SCNN1B: variants seen among roughly 807,000 people sequenced by gnomAD.
The protein encoded by SCNN1B is sodium channel epithelial 1 subunit beta.
SCNN1B carries 46 observed loss-of-function variants against 65.3 expected under a neutral mutation model. That is an observed-to-expected ratio of 0.70 (90% CI 0.56 to 0.90). SCNN1B has a LOEUF of 0.90. Among genes scored for constraint, SCNN1B ranks in the 40% least tolerant of loss-of-function variants. The pLI is 0.00. For synonymous variants in SCNN1B, 349 were observed against 330.6 expected (o/e 1.06, Z -0.60); for missense variants, 751 against 830.5 (o/e 0.90, Z 1.18).
In SCNN1B at chr16:23,320,078, C is replaced by T. The variant is rs143597303; in HGVS notation, c.-9+17641C>T. ...CAAATGTTAACATGCGCATGAGTCA[C>T]TAGGGGTCTTGTTAAAATGCAGATT... On this transcript the variant is annotated intron_variant, in intron 1 of 12. Transcript: ENST00000343070. Among the ~76,000 whole-genome samples, 268 of 152,282 alleles carry T rather than the reference C, an allele frequency of 1.8e-3. 3 individuals carry two copies. The highest frequency in any genetic ancestry group is 6.1e-3 in the African/African-American group (255 of 41,542).
intron 3 of SCNN1B, among the ~76,000 whole-genome samples, chr16:23,354,651 C>G (rs1038402190): frequency 3.9e-5 from 6 of 152,198 alleles, no homozygotes; most frequent in African/African-American, 1.4e-4. Flanking sequence ...TTCATGGCCT[C>G]CAGGGGAGCT....
chr16:23,348,205 G>A lies in SCNN1B; in HGVS notation c.-8-387G>A, dbSNP rs976356646. 7.9e-5 allele frequency among the ~76,000 whole-genome samples: 12 copies of A among 152,046 alleles called. No homozygotes were observed. The highest frequency in any genetic ancestry group is 2.7e-4 in the African/African-American group (11 of 41,378). ...GTTACAATGAAACATTGAACAAAAC[G>A]ACGTCGTTTGAGGACTTGCTATACC... On this transcript the variant is annotated intron_variant, in intron 1 of 12. Transcript: ENST00000343070. This position sits in a 1 kb window ranked among gnomAD's most constrained non-coding sequence, Gnocchi z 4.5.
intron 1 of SCNN1B, among the ~76,000 whole-genome samples, chr16:23,335,849 T>C (rs922971771): frequency 2.6e-5 from 4 of 152,208 alleles, no homozygotes; most frequent in Non-Finnish European, 5.9e-5. Flanking sequence ...TCACTGTCTC[T>C]GATCAGCTCA....
intron 2 of SCNN1B, among the ~76,000 whole-genome samples, chr16:23,288,276 A>G (rs1162724206): frequency 6.6e-6 from 1 of 152,164 alleles, no homozygotes; most frequent in African/African-American, 2.4e-5. Flanking sequence ...CTCAGATTCC[A>G]TTTGTATAGG....
intron 2 of SCNN1B, among the ~76,000 whole-genome samples, chr16:23,291,770 G>T (rs997292061): frequency 2.7e-5 from 4 of 148,564 alleles, no homozygotes; most frequent in Admixed American, 1.4e-4. Flanking sequence ...TAGTAGAGAC[G>T]GGGTTTCACC....
Position 23,346,200 on chromosome 16 carries a change from C to CTTTTTTTTTTTTTTTTTTTT in SCNN1B, c.-8-2382_-8-2363dup, listed in dbSNP as rs753802362. On this transcript the variant is annotated intron_variant, in intron 1 of 12. Transcript: ENST00000343070. ...CCATGGAACACCCTTTTTTCCTTTT[C>CTTTTTTTTTTTTTTTTTTTT]TTTTTTTTTTTTTTTTTTTTTTTTT... Among the ~76,000 whole-genome samples the CTTTTTTTTTTTTTTTTTTTT allele has an allele frequency of 3.1e-4, 24 of 78,008 alleles. 5 individuals are homozygous for CTTTTTTTTTTTTTTTTTTTT. The highest frequency in any genetic ancestry group is 7.0e-4 in the East Asian group (2 of 2,868). 51.2% of individuals were successfully genotyped at this position (78,008 alleles called of 152,430 possible). A position where few individuals can be genotyped will look rare whatever the true frequency, so the allele number is the denominator to read the frequency against.
chr16:23,345,844 T>C (rs972455193), intron 1 of SCNN1B, among the ~76,000 whole-genome samples: 1 of 151,792 alleles, frequency 6.6e-6, no homozygotes, highest in African/African-American at 2.4e-5. Context: ...TCAGAGGGGG[T>C]GAGGGTCCAG....
intron 8 of SCNN1B, among the ~76,000 whole-genome samples, chr16:23,376,262 C>T (rs1447728987): frequency 2.0e-5 from 3 of 152,198 alleles, no homozygotes; most frequent in Non-Finnish European, 2.9e-5. Flanking sequence ...CTGTTCGTGA[C>T]TGCAGTGGGT....
chr16:23,377,483 CT>C (rs1195917914), intron 10 of SCNN1B, 97 bp downstream of exon 10: 36 of 1,054,544 alleles, frequency 3.4e-5, no homozygotes, highest in Middle Eastern at 2.6e-4. Context: ...AAGGGGGTGC[CT>C]TTTTCCCTCC....
At chr16:23,374,391 T>G (rs980616804) in intron 7 of SCNN1B, among the ~76,000 whole-genome samples, 22 of 148,704 alleles carry the variant, frequency 1.5e-4, no homozygotes, top group African/African-American at 5.4e-4. Context: ...CTGGCCAACA[T>G]AGTGAAACCT....
chr16:23,341,548 C>T (rs1437367431), intron 1 of SCNN1B, among the ~76,000 whole-genome samples: 1 of 152,104 alleles, frequency 6.6e-6, no homozygotes, highest in Non-Finnish European at 1.5e-5. Flanking sequence ...ACAATGTTTG[C>T]AAGTCCTGTC....
intron 2 of SCNN1B, among the ~76,000 whole-genome samples, chr16:23,291,980 C>T (rs866218886): frequency 6.6e-6 from 1 of 151,706 alleles, no homozygotes; most frequent in East Asian, 1.9e-4. Flanking sequence ...ATATTGTAGC[C>T]GTTGTTCTGC....
chr16:23,366,135 G>A (rs995109260), intron 4 of SCNN1B, among the ~76,000 whole-genome samples: 5 of 152,194 alleles, frequency 3.3e-5, no homozygotes, highest in South Asian at 2.1e-4. Flanking sequence ...GGCAGGTGAC[G>A]TTTTATGTGT....
In SCNN1B at chr16:23,354,369, G is replaced by A. The variant is rs942154988; in HGVS notation, c.586-930G>A. On this transcript the variant is annotated intron_variant, in intron 3 of 12. Coordinates refer to ENST00000343070, the MANE Select transcript of SCNN1B (RefSeq NM_000336.3). ...GGAGTGGGCTGGCCGGGCGTGTTGG[G>A]AAGGGTGGTGTAAGAATGCCAGGGG... Among the ~76,000 whole-genome samples the A allele has an allele frequency of 4.6e-5, 7 of 152,258 alleles. No homozygotes were observed. In the East Asian group the frequency reaches 1.2e-3, roughly 25 times the overall value.
At chr16:23,301,425 G>A (rs9926263), upstream of SCNN1B, among the ~76,000 whole-genome samples, 12 of 149,242 alleles carry the variant, frequency 8.0e-5, no homozygotes, top group African/African-American at 2.0e-4. Flanking sequence ...GAGAGAGAGA[G>A]AGAGAAAGAA....
intron 2 of SCNN1B, among the ~76,000 whole-genome samples, chr16:23,295,557 G>A (rs1245667857): frequency 6.6e-6 from 1 of 151,164 alleles, no homozygotes; most frequent in African/African-American, 2.4e-5. Flanking sequence ...TCACTTTGTT[G>A]CCCAGACTGG....
At chr16:23,344,782 C>T (rs1962149744) in intron 1 of SCNN1B, among the ~76,000 whole-genome samples, 1 of 152,060 alleles carries the variant, frequency 6.6e-6, no homozygotes, top group Admixed American at 6.6e-5. Flanking sequence ...TCGCTTGATC[C>T]CAGGAGTTCG....
At chr16:23,342,602 GGAA>G (rs979199470) in intron 1 of SCNN1B, among the ~76,000 whole-genome samples, 3 of 152,062 alleles carry the variant, frequency 2.0e-5, no homozygotes, top group Non-Finnish European at 4.4e-5. Context: ...GGACCACATT[GGAA>G]GAAGAATTAT....
At chr16:23,370,377 A>T (rs1962757833) in intron 5 of SCNN1B, among the ~76,000 whole-genome samples, 1 of 152,140 alleles carries the variant, frequency 6.6e-6, no homozygotes, top group African/African-American at 2.4e-5. Flanking sequence ...AAGTGCTGAG[A>T]TTACAGGTGT....
Sources: gnomAD v4.1 joint callset for allele counts (sites outside exome capture counted in the v4.1 genomes callset) on GRCh38, gnomAD v4.1.1 for gene constraint, Gnocchi (gnomAD v3.1) non-coding constraint, MANE v1.5 for transcripts, NCBI Gene and HGNC (gene_info 2026-07-23, HGNC 2026-07-21) for gene names.